SPIDR: variants seen among roughly 807,000 people sequenced by gnomAD.
The protein encoded by SPIDR is DNA repair-scaffolding protein.
In SPIDR, 93 loss-of-function variants were observed where a neutral mutation model predicts 104.6. The ratio of observed to expected loss-of-function variants is 0.89; its 90% CI spans 0.75 to 1.06. The LOEUF is 1.06. Among genes scored for constraint, SPIDR ranks in the 50% least tolerant of loss-of-function variants. SPIDR has a pLI of 0.00. For missense variants in SPIDR, 1,154 were observed against 1,111.2 expected (o/e 1.04, Z -0.55); for synonymous variants, 431 against 416.9 (o/e 1.03, Z -0.41).
At chr8:47,670,718 G>A (rs1563491433) in intron 10 of SPIDR, among the ~76,000 whole-genome samples, 1 of 152,120 alleles carries the variant, frequency 6.6e-6, no homozygotes, top group African/African-American at 2.4e-5. Flanking sequence ...TTGAGCTCCA[G>A]TCACTGCCCG....
In SPIDR at chr8:47,483,147, G is replaced by C. The variant is rs1200263206; in HGVS notation, c.1097+42605G>C. Among the ~76,000 whole-genome samples, 31 of 112,022 alleles carry C rather than the reference G, an allele frequency of 2.8e-4. 1 individual carries two copies. The highest frequency in any genetic ancestry group is 7.7e-4 in the African/African-American group (30 of 38,820). 73.5% of individuals were successfully genotyped at this position (112,022 alleles called of 152,430 possible). ...TACTTGGTTTTTTTTTGTTTGTTTT[G>C]TTTTGTTTTGTTTTGTTTTGTTTGT... On this transcript the variant is annotated intron_variant, in intron 8 of 19. Transcript: ENST00000297423.
intron 10 of SPIDR, among the ~76,000 whole-genome samples, chr8:47,640,440 CA>C (rs1204664547): frequency 6.6e-6 from 1 of 152,152 alleles, no homozygotes; most frequent in Non-Finnish European, 1.5e-5. Context: ...ACAATAACAA[CA>C]AAGTCCCACA....
At chr8:47,266,163 T>A (rs1168034151) in intron 1 of SPIDR, among the ~76,000 whole-genome samples, 2 of 143,798 alleles carry the variant, frequency 1.4e-5, no homozygotes, top group South Asian at 2.4e-4. Flanking sequence ...GGAGTCTCAC[T>A]CTCTTGCCCA....
At chr8:47,339,968 C>T (rs968001556) in intron 5 of SPIDR, among the ~76,000 whole-genome samples, 10 of 151,880 alleles carry the variant, frequency 6.6e-5, no homozygotes, top group Admixed American at 3.3e-4. Flanking sequence ...CGTGAGCCAC[C>T]GCGCCTGGAC....
chr8:47,321,368 C>T (rs1424092487), intron 5 of SPIDR, among the ~76,000 whole-genome samples: 3 of 152,078 alleles, frequency 2.0e-5, no homozygotes, highest in Non-Finnish European at 2.9e-5. Context: ...AATAAAACAC[C>T]TAGGAATCCA....
At chr8:47,596,107 C>T (rs1203625514) in intron 9 of SPIDR, 101 bp downstream of exon 9, 22 of 1,023,128 alleles carry the variant, frequency 2.2e-5, no homozygotes, top group Non-Finnish European at 3.1e-5. Flanking sequence ...TTTTGTCTCC[C>T]TCCAAAAACC....
chr8:47,341,306 T>G (rs1204411886), intron 5 of SPIDR, among the ~76,000 whole-genome samples: 1 of 152,244 alleles, frequency 6.6e-6, no homozygotes, highest in Non-Finnish European at 1.5e-5. Context: ...TCCCTTTCCA[T>G]ATGTAAGAAT....
chr8:47,736,012 C>A lies in SPIDR; in HGVS notation c.*562C>A, dbSNP rs1332202563. 1.7e-5 allele frequency: 3 copies of A among 172,274 alleles called. No individual in the cohort carries two copies. The South Asian group carries it at 3.5e-4, about 20-fold the overall frequency. The allele number at this position is 172,274 out of a possible 1,614,324, so 10.7% of individuals were successfully genotyped here. A position where few individuals can be genotyped will look rare whatever the true frequency, so the allele number is the denominator to read the frequency against. The stretch of plus-strand genomic sequence containing the variant: ...GTGTAGCTCTCTGAACTGGTGTGAT[C>A]GTGTCTCTGCTGAATGGTGGTGGGG... On this transcript the variant is annotated 3_prime_UTR_variant, in exon 20 of 20. Transcript: ENST00000297423.
rs534229768 is a variant in SPIDR, at chr8:47,478,765, G to A, written c.1097+38223G>A. On this transcript the variant is annotated intron_variant, in intron 8 of 19. Transcript: ENST00000297423. ...AAAGTGTAATTGCTGTGAGACATCAGGTGGACCTTCCTAAATTGGCTATGA... is the reference window on the plus strand; with the variant it reads ...AAAGTGTAATTGCTGTGAGACATCAAGTGGACCTTCCTAAATTGGCTATGA... 5.3e-4 allele frequency among the ~76,000 whole-genome samples: 80 copies of A among 152,326 alleles called. No homozygotes were observed. In the South Asian group the frequency reaches 7.5e-3, roughly 14 times the overall value.
chr8:47,729,140 C>G (rs562043153), intron 18 of SPIDR, 93 bp downstream of exon 18: 2 of 1,552,968 alleles, frequency 1.3e-6, no homozygotes, highest in Non-Finnish European at 1.7e-6. Context: ...TCCTCCTGTA[C>G]GCCTGCAGAG....
At chr8:47,594,024 T>G (rs1488382944) in intron 8 of SPIDR, among the ~76,000 whole-genome samples, 2 of 151,308 alleles carry the variant, frequency 1.3e-5, no homozygotes, top group Non-Finnish European at 2.9e-5. Context: ...AGGTAGTCTC[T>G]CCATTGTCAC....
chr8:47,648,098 C>T (rs150606803), intron 10 of SPIDR, among the ~76,000 whole-genome samples: 89 of 152,236 alleles, frequency 5.8e-4, no homozygotes, highest in African/African-American at 2.0e-3. Context: ...TTCTAAATGA[C>T]TGTGTGAGAA....
chr8:47,590,286 T>G (rs1460973386), intron 8 of SPIDR, among the ~76,000 whole-genome samples: 1 of 152,242 alleles, frequency 6.6e-6, no homozygotes, highest in Non-Finnish European at 1.5e-5. Context: ...CTTTTTTCTT[T>G]TTTAATGTAA....
Position 47,639,212 on chromosome 8 carries a change from G to A in SPIDR, c.1545-34589G>A, listed in dbSNP as rs574603196. On this transcript the variant is annotated intron_variant, in intron 10 of 19. Coordinates refer to ENST00000297423, the MANE Select transcript of SPIDR (RefSeq NM_001080394.4). ...AGTACATGGGAGGGAAGGTGGAATC[G>A]TCCACGTGTGCTCCTTTGTTGTATG... 7.2e-5 allele frequency among the ~76,000 whole-genome samples: 11 copies of A among 152,290 alleles called. No homozygotes were observed. The South Asian group carries it at 1.7e-3, about 23-fold the overall frequency.
At chr8:47,495,194 G>A (rs1199165008) in intron 8 of SPIDR, among the ~76,000 whole-genome samples, 1 of 151,734 alleles carries the variant, frequency 6.6e-6, no homozygotes, top group East Asian at 1.9e-4. Context: ...CTATTGCATA[G>A]TGCACATGTC....
rs1024099337 is a variant in SPIDR, at chr8:47,296,985, G to A, written c.525+2955G>A. ...ATTTACTTCTAAGTTGCTTTTTCTC[G>A]ATGCTACTGTAAACGGGATTGAGTT... On this transcript the variant is annotated intron_variant, in intron 5 of 19. Coordinates refer to ENST00000297423, the MANE Select transcript of SPIDR (RefSeq NM_001080394.4). Among the ~76,000 whole-genome samples, 10 of 152,062 alleles carry A rather than the reference G, an allele frequency of 6.6e-5. No homozygotes were observed. The East Asian group carries it at 7.7e-4, about 12-fold the overall frequency.
At chr8:47,272,577 A>T (rs1455846758) in intron 1 of SPIDR, among the ~76,000 whole-genome samples, 1 of 152,154 alleles carries the variant, frequency 6.6e-6, no homozygotes, top group Non-Finnish European at 1.5e-5. Context: ...ATGCTTTGGC[A>T]ATTTGTAATG....
intron 8 of SPIDR, among the ~76,000 whole-genome samples, chr8:47,533,159 A>G (rs1380009065): frequency 6.6e-6 from 1 of 152,230 alleles, no homozygotes; most frequent in Admixed American, 6.5e-5. Context: ...TTAAATCAGT[A>G]AATCTAAACT....
chr8:47,495,532 T>C (rs1470082777), intron 8 of SPIDR, among the ~76,000 whole-genome samples: 1 of 152,162 alleles, frequency 6.6e-6, no homozygotes, highest in African/African-American at 2.4e-5. Context: ...ACCCATTAGC[T>C]ACTACTTTTC....
Sources: gnomAD v4.1 joint callset for allele counts (sites outside exome capture counted in the v4.1 genomes callset) on GRCh38, gnomAD v4.1.1 for gene constraint, MANE v1.5 for transcripts, NCBI Gene and HGNC (gene_info 2026-07-23, HGNC 2026-07-21) for gene names.